XKR4: variants seen among roughly 807,000 people sequenced by gnomAD.
The protein encoded by XKR4 is XK related 4, also known as XK-related protein 4.
A neutral mutation model predicts 53.9 loss-of-function variants in XKR4; 12 were observed. The ratio of observed to expected loss-of-function variants is 0.22; its 90% confidence interval spans 0.14 to 0.36. XKR4 has a LOEUF of 0.36. Ranked by LOEUF, XKR4 falls within the 10% of genes least tolerant of loss-of-function variation. The pLI, the probability that XKR4 is intolerant of heterozygous loss-of-function variation, is 1.00. For synonymous variants in XKR4, 354 were observed against 362.4 expected (o/e 0.98, Z 0.26); for missense variants, 799 against 859.5 (o/e 0.93, Z 0.88).
intron 2 of XKR4, among the ~76,000 whole-genome samples, chr8:55,403,229 T>G (rs527617084): frequency 2.0e-5 from 3 of 152,356 alleles, no homozygotes; most frequent in African/African-American, 7.2e-5. Context: ...CAGATTTCTA[T>G]GTACATCTTT....
intron 2 of XKR4, among the ~76,000 whole-genome samples, chr8:55,358,520 A>T (rs1479028474): frequency 6.6e-6 from 1 of 152,236 alleles, no homozygotes; most frequent in South Asian, 2.1e-4. Context: ...TCTCATCAGT[A>T]GGACTATTCC....
At chr8:55,244,109 G>C (rs1818249802) in intron 1 of XKR4, among the ~76,000 whole-genome samples, 1 of 152,178 alleles carries the variant, frequency 6.6e-6, no homozygotes, top group African/African-American at 2.4e-5. Flanking sequence ...GTGCAGGTAT[G>C]TTATACAGGT....
At chr8:55,274,525 C>T (rs28583950) in intron 1 of XKR4, among the ~76,000 whole-genome samples, 6,583 of 152,004 alleles carry the variant, frequency 0.043, 193 homozygotes, top group East Asian at 0.093. Flanking sequence ...CTCCGCCTCC[C>T]GGGTTCAAGC....
At chr8:55,260,962 C>G (rs1032832733) in intron 1 of XKR4, among the ~76,000 whole-genome samples, 1 of 152,050 alleles carries the variant, frequency 6.6e-6, no homozygotes, top group Admixed American at 6.6e-5. Flanking sequence ...ACAGGCTGCT[C>G]CTTGTTAGAA....
intron 1 of XKR4, among the ~76,000 whole-genome samples, chr8:55,292,665 C>T (rs534651391): frequency 6.6e-6 from 1 of 152,108 alleles, no homozygotes; most frequent in Non-Finnish European, 1.5e-5. Flanking sequence ...TTATTTCCTT[C>T]CTTCTACTTG....
chr8:55,491,040 GCTTCAGT>G (rs1182747972), intron 2 of XKR4, among the ~76,000 whole-genome samples: 2 of 150,936 alleles, frequency 1.3e-5, no homozygotes, highest in Non-Finnish European at 2.9e-5. Context: ...TTCTCTCTGT[GCTTCAGT>G]CTAGATGGTT....
At chr8:55,455,002 G>A in intron 2 of XKR4, 3 of 812,258 alleles carry the variant, frequency 3.7e-6, no homozygotes, top group Middle Eastern at 2.5e-4. Context: ...CGCTGGACTG[G>A]CAAAACAGCT....
chr8:55,354,881 T>C (rs1365754053), intron 1 of XKR4, among the ~76,000 whole-genome samples: 2 of 151,658 alleles, frequency 1.3e-5, no homozygotes, highest in African/African-American at 4.8e-5. Flanking sequence ...CAAAGGATGA[T>C]GGATAGGACT....
At chr8:55,472,481 G>A (rs577451396) in intron 2 of XKR4, among the ~76,000 whole-genome samples, 1 of 152,200 alleles carries the variant, frequency 6.6e-6, no homozygotes, top group East Asian at 1.9e-4. Context: ...AAGATACCCA[G>A]AATCCTAAAG....
chr8:55,131,219 T>A (rs1244849928), intron 1 of XKR4, among the ~76,000 whole-genome samples: 1 of 150,574 alleles, frequency 6.6e-6, no homozygotes, highest in Non-Finnish European at 1.5e-5. Flanking sequence ...TCAAATCCAT[T>A]ACATCACAAT....
intron 1 of XKR4, among the ~76,000 whole-genome samples, chr8:55,147,335 C>G (rs563007175): frequency 6.9e-4 from 105 of 152,340 alleles, no homozygotes; most frequent in African/African-American, 2.4e-3. Context: ...ATTGGGAAAG[C>G]CTTGGGCCAC....
chr8:55,368,356 GC>G (rs1216758011), intron 2 of XKR4, among the ~76,000 whole-genome samples: 2 of 152,156 alleles, frequency 1.3e-5, no homozygotes, highest in Non-Finnish European at 1.5e-5. Context: ...ATGTGACAAG[GC>G]CCCTGCTGTG....
intron 1 of XKR4, among the ~76,000 whole-genome samples, chr8:55,198,879 T>C (rs997775270): frequency 1.3e-5 from 2 of 152,204 alleles, no homozygotes; most frequent in African/African-American, 4.8e-5. Flanking sequence ...ATTATCTTGA[T>C]GTCTACAGAA....
chr8:55,476,469 TC>T (rs1183525008), intron 2 of XKR4, among the ~76,000 whole-genome samples: 1 of 152,048 alleles, frequency 6.6e-6, no homozygotes, highest in Non-Finnish European at 1.5e-5. Context: ...AATCTACAGC[TC>T]CCAGCGTGAG....
intron 1 of XKR4, among the ~76,000 whole-genome samples, chr8:55,192,530 A>C (rs1817457735): frequency 6.6e-6 from 1 of 152,174 alleles, no homozygotes; most frequent in South Asian, 2.1e-4. Flanking sequence ...TCCGTACTGG[A>C]TCAAAATTAA....
intron 2 of XKR4, among the ~76,000 whole-genome samples, chr8:55,474,840 C>G (rs937925524): frequency 4.6e-5 from 7 of 152,118 alleles, no homozygotes; most frequent in Non-Finnish European, 1.0e-4. Context: ...CCAGGCACCA[C>G]ATTATCAGAG....
At chr8:55,514,078 C>T (rs1206676249) in intron 2 of XKR4, among the ~76,000 whole-genome samples, 1 of 152,170 alleles carries the variant, frequency 6.6e-6, no homozygotes, top group African/African-American at 2.4e-5. Flanking sequence ...ATATCTGGGC[C>T]TCTACAGAAA....
At chr8:55,159,505 T>A (rs1050122262) in intron 1 of XKR4, among the ~76,000 whole-genome samples, 4 of 152,202 alleles carry the variant, frequency 2.6e-5, no homozygotes, top group African/African-American at 7.2e-5. Flanking sequence ...TTGAATATTA[T>A]GAAATGGCAT....
rs114527431 is a variant in XKR4, at chr8:55,537,280, A to G, written c.*13053A>G. ...AAAGGAAAATTCACCTCCCACAAGG[A>G]AAGTCTGAGATGTTCATCCTGACAT... On this transcript the variant is annotated 3_prime_UTR_variant, in exon 3 of 3. Coordinates refer to ENST00000327381, the MANE Select transcript of XKR4 (RefSeq NM_052898.2). 101 of 152,356 alleles carry G rather than the reference A, an allele frequency of 6.6e-4. No individual in the cohort carries two copies. Among genetic ancestry groups the G allele is most frequent in the African/African-American group, 2.3e-3 (97 of 41,576 alleles). 9.4% of individuals were successfully genotyped at this position (152,356 alleles called of 1,614,324 possible).
Sources: gnomAD v4.1 joint callset for allele counts (sites outside exome capture counted in the v4.1 genomes callset) on GRCh38, gnomAD v4.1.1 for gene constraint, MANE v1.5 for transcripts, NCBI Gene and HGNC (gene_info 2026-07-23, HGNC 2026-07-21) for gene names.